The following SYT16 variants were observed in gnomAD, a reference collection of about 807,000 sequenced individuals.
SYT16 encodes synaptotagmin-16.
In SYT16, 42 loss-of-function variants were observed where a neutral mutation model predicts 61.4. That is an observed-to-expected ratio of 0.68 (90% CI 0.53 to 0.89). The LOEUF (loss-of-function observed/expected upper bound fraction) is 0.89. Ranked by LOEUF, SYT16 falls within the 40% of genes least tolerant of loss-of-function variation. SYT16 has a pLI of 0.00. For synonymous variants in SYT16, 314 were observed against 302.3 expected (o/e 1.04, Z -0.40); for missense variants, 804 against 807.3 (o/e 1.00, Z 0.05).
chr14:61,813,487 G>C (rs900207960), intron 1 of SYT16, among the ~76,000 whole-genome samples: 16 of 152,258 alleles, frequency 1.1e-4, no homozygotes, highest in African/African-American at 3.9e-4. Flanking sequence ...AGTTGCGTTT[G>C]AAGCCAGATA....
At chr14:61,946,668 A>G (rs1009498485) in intron 1 of SYT16, among the ~76,000 whole-genome samples, 1 of 152,172 alleles carries the variant, frequency 6.6e-6, no homozygotes, top group Non-Finnish European at 1.5e-5. Flanking sequence ...AAGTTAGAGA[A>G]ATGGGCACTG....
At chr14:61,953,531 C>A (rs560113631) in intron 1 of SYT16, among the ~76,000 whole-genome samples, 17 of 152,252 alleles carry the variant, frequency 1.1e-4, no homozygotes, top group African/African-American at 3.9e-4. Context: ...CCCATGGTGA[C>A]CTCCTAAATT....
intron 3 of SYT16, among the ~76,000 whole-genome samples, chr14:62,057,252 A>G (rs2055604280): frequency 6.6e-6 from 1 of 152,202 alleles, no homozygotes; most frequent in South Asian, 2.1e-4. Context: ...CTTCAGTCCA[A>G]TCAAGTTGAC....
chr14:61,971,897 T>C (rs367809312), intron 2 of SYT16, among the ~76,000 whole-genome samples: 1 of 152,224 alleles, frequency 6.6e-6, no homozygotes, highest in Admixed American at 6.5e-5. Flanking sequence ...GACACTATTG[T>C]CCCAGCTGGG....
intron 2 of SYT16, among the ~76,000 whole-genome samples, chr14:61,991,381 G>A (rs2140608337): frequency 1.4e-5 from 2 of 145,494 alleles, no homozygotes; most frequent in African/African-American, 5.1e-5. Context: ...AACACCAGAA[G>A]CTACTTTGTC....
At chr14:61,876,938 C>T (rs1447013582) in intron 1 of SYT16, among the ~76,000 whole-genome samples, 2 of 152,208 alleles carry the variant, frequency 1.3e-5, no homozygotes, top group Non-Finnish European at 2.9e-5. Context: ...AGGTCATTTA[C>T]TTTGAGAGTT....
At chr14:61,974,231 C>T (rs574572031) in intron 2 of SYT16, among the ~76,000 whole-genome samples, 25 of 152,200 alleles carry the variant, frequency 1.6e-4, no homozygotes, top group African/African-American at 6.0e-4. Flanking sequence ...AGTCAATGTG[C>T]CTGCTGGGGA....
At position 61,881,832 on chromosome 14, in the gene SYT16, C is replaced by G. The variant is rs947444461; in HGVS notation, c.-325+69022C>G. On this transcript the variant is annotated intron_variant, in intron 1 of 7. Coordinates refer to ENST00000683842, the MANE Select transcript of SYT16 (RefSeq NM_001367656.1). ...TGTTTATCATCTTCTTCTACAGTCC[C>G]CCTCCTCCACTAGTATTCCCCTTTT... Among the ~76,000 whole-genome samples, 9 of 152,244 alleles carry G rather than the reference C, an allele frequency of 5.9e-5. No individual in the cohort carries two copies. In the East Asian group the frequency reaches 1.7e-3, roughly 29 times the overall value.
intron 2 of SYT16, among the ~76,000 whole-genome samples, chr14:61,974,013 G>T (rs1340730421): frequency 6.6e-6 from 1 of 152,150 alleles, no homozygotes; most frequent in African/African-American, 2.4e-5. Flanking sequence ...CTTCTTTTTG[G>T]AATTGTGGCA....
chr14:62,054,360 G>GTTGTTTTTTTTTTTTTTT lies in SYT16; in HGVS notation c.524-15241_524-15240insGTTTTTTTTTTTTTTTTT, dbSNP rs1411904235. Among the ~76,000 whole-genome samples the GTTGTTTTTTTTTTTTTTT allele has an allele frequency of 6.9e-3, 818 of 118,074 alleles. 20 individuals carry two copies. The highest frequency in any genetic ancestry group is 0.012 in the East Asian group (48 of 3,996). 77.5% of individuals were successfully genotyped at this position (118,074 alleles called of 152,430 possible). A position where few individuals can be genotyped will look rare whatever the true frequency, so the allele number is the denominator to read the frequency against. On this transcript the variant is annotated intron_variant, in intron 3 of 7. Coordinates refer to ENST00000683842, the MANE Select transcript of SYT16 (RefSeq NM_001367656.1). ...TAAAAGCTGTTACTTAGTGAAGTGA[G>GTTGTTTTTTTTTTTTTTT]TTTTTTTTTTTTTTTTTGGAGATAG...
rs560970494 is a variant in SYT16 at position 61,973,819 on chromosome 14, C to G, written c.-145+3508C>G. ...AGGGAAGGGAAGAAGAATGCCCTTC[C>G]TCTTCTGGAAAGGGCAGACCATAAC... On this transcript the variant is annotated intron_variant, in intron 2 of 7. Coordinates refer to ENST00000683842, the MANE Select transcript of SYT16 (RefSeq NM_001367656.1). 1.4e-3 allele frequency among the ~76,000 whole-genome samples: 208 copies of G among 152,204 alleles called. 1 individual carries two copies. Among genetic ancestry groups the G allele is most frequent in the African/African-American group, 4.7e-3 (197 of 41,528 alleles).
chr14:62,032,023 C>T (rs941865628), intron 3 of SYT16, among the ~76,000 whole-genome samples: 2 of 152,064 alleles, frequency 1.3e-5, no homozygotes, highest in Admixed American at 1.3e-4. Flanking sequence ...TAATGGAGTA[C>T]AGAATATCAG....
At chr14:61,816,800 A>G (rs969721720) in intron 1 of SYT16, among the ~76,000 whole-genome samples, 4 of 150,880 alleles carry the variant, frequency 2.7e-5, no homozygotes, top group African/African-American at 9.8e-5. Context: ...TCACGAGGTC[A>G]GGAGATGAAG....
chr14:61,887,745 T>C (rs113104583), intron 1 of SYT16, among the ~76,000 whole-genome samples: 1 of 152,168 alleles, frequency 6.6e-6, no homozygotes, highest in Non-Finnish European at 1.5e-5. Context: ...TCAGCCTTCA[T>C]AGAATTGAAG....
chr14:61,880,820 A>G (rs1594817043), intron 1 of SYT16, among the ~76,000 whole-genome samples: 1 of 152,116 alleles, frequency 6.6e-6, no homozygotes, highest in East Asian at 1.9e-4. Context: ...TTTTATTTAT[A>G]ATGATTTATA....
intron 1 of SYT16, among the ~76,000 whole-genome samples, chr14:61,859,078 C>T (rs988854552): frequency 2.0e-5 from 3 of 151,854 alleles, no homozygotes; most frequent in Non-Finnish European, 4.4e-5. Context: ...CCAGGATGGT[C>T]TTGATCTCCT....
At chr14:62,016,496 A>G (rs569658737) in intron 3 of SYT16, among the ~76,000 whole-genome samples, 1 of 149,518 alleles carries the variant, frequency 6.7e-6, no homozygotes, top group East Asian at 2.0e-4. Flanking sequence ...GTTTGAGACC[A>G]TCTTGGCTAA....
intron 1 of SYT16, among the ~76,000 whole-genome samples, chr14:61,849,148 T>C (rs575872361): frequency 6.6e-6 from 1 of 152,220 alleles, no homozygotes; most frequent in Non-Finnish European, 1.5e-5. Context: ...GACTCTGTCT[T>C]GTGCCCTATC....
chr14:61,818,912 G>C (rs542943734), intron 1 of SYT16, among the ~76,000 whole-genome samples: 2 of 152,228 alleles, frequency 1.3e-5, no homozygotes, highest in Admixed American at 6.5e-5. Flanking sequence ...AATTCTAGAA[G>C]AAAACATAAA....
Sources: gnomAD v4.1 joint callset for allele counts (sites outside exome capture counted in the v4.1 genomes callset) on GRCh38, gnomAD v4.1.1 for gene constraint, MANE v1.5 for transcripts, NCBI Gene and HGNC (gene_info 2026-07-23, HGNC 2026-07-21) for gene names.